The following KCND2 variants were observed in gnomAD, a reference collection of about 807,000 sequenced individuals.
The protein encoded by KCND2 is A-type voltage-gated potassium channel KCND2.
A neutral mutation model predicts 54.4 loss-of-function variants in KCND2; 16 were observed. That is an observed-to-expected ratio of 0.29 (90% confidence interval 0.20 to 0.45). The LOEUF is 0.45. KCND2 is among the 20% of genes least tolerant of loss of function. KCND2 has a pLI of 1.00. For synonymous variants in KCND2, 317 were observed against 310.7 expected (o/e 1.02, Z -0.21); for missense variants, 486 against 824.2 (o/e 0.59, Z 5.02).
chr7:120,526,245 A>G (rs1259738227), intron 1 of KCND2, among the ~76,000 whole-genome samples: 7 of 152,172 alleles, frequency 4.6e-5, no homozygotes, highest in Admixed American at 4.6e-4. Flanking sequence ...TTGATTTTGC[A>G]TTTTAGAAAA....
chr7:120,650,637 G>C (rs1791718250), intron 1 of KCND2, among the ~76,000 whole-genome samples: 1 of 144,034 alleles, frequency 6.9e-6, no homozygotes, highest in Admixed American at 6.7e-5. Flanking sequence ...TCTCTGTCCA[G>C]CTTTGTTCCA....
chr7:120,286,769 T>G (rs564443612), intron 1 of KCND2, among the ~76,000 whole-genome samples: 1 of 152,218 alleles, frequency 6.6e-6, no homozygotes, highest in Non-Finnish European at 1.5e-5. Flanking sequence ...TATGACTCTA[T>G]CAGACTTGTT....
At chr7:120,374,725 C>T (rs1800813314) in intron 1 of KCND2, among the ~76,000 whole-genome samples, 1 of 151,814 alleles carries the variant, frequency 6.6e-6, no homozygotes, top group Non-Finnish European at 1.5e-5. Context: ...AGGGCATATT[C>T]TAAATTACTA....
At chr7:120,449,811 A>C (rs1429931802) in intron 1 of KCND2, among the ~76,000 whole-genome samples, 1 of 152,230 alleles carries the variant, frequency 6.6e-6, no homozygotes, top group Non-Finnish European at 1.5e-5. Context: ...GCCCATTTCA[A>C]ATACAAATCT....
chr7:120,737,328 T>G (rs549719653), intron 2 of KCND2, among the ~76,000 whole-genome samples: 1 of 152,098 alleles, frequency 6.6e-6, no homozygotes, highest in African/African-American at 2.4e-5. Context: ...CTGAGAATGA[T>G]CTCTTAGGTT....
At chr7:120,680,222 C>T (rs147309426) in intron 1 of KCND2, among the ~76,000 whole-genome samples, 386 of 152,202 alleles carry the variant, frequency 2.5e-3, no homozygotes, top group African/African-American at 8.9e-3. Context: ...TGATCCCTGC[C>T]TCTTTGCTCT....
rs1332780387 is a variant in KCND2 at position 120,741,566 on chromosome 7, A to T, written c.1311A>T (p.Lys437Asn). The part of the protein sequence containing the change: ...KARLARIRAA[K>N]SGSANAYMQS... ...GACTGGCCAGGATCCGGGCAGCCAA[A>T]AGCGGAAGCGCAAATGCTTACATGC... The change falls in exon 3 of 6, where the codon AAA (lysine) becomes AAT (asparagine). Residue 437 changes from lysine (K) to asparagine (N), a missense_variant. This residue lies in a region of KCND2 where 202 missense variants were observed against 252.7 expected (regional missense o/e 0.80). Coordinates refer to ENST00000331113, the MANE Select transcript of KCND2 (RefSeq NM_012281.3). The T allele has an allele frequency of 6.2e-7, 1 of 1,613,282 alleles. No individual in the cohort carries two copies.
At chr7:120,547,745 T>C (rs959154317) in intron 1 of KCND2, among the ~76,000 whole-genome samples, 2 of 152,118 alleles carry the variant, frequency 1.3e-5, no homozygotes, top group Admixed American at 6.6e-5. Context: ...TAACAGGTGC[T>C]TCCTACATGT....
At chr7:120,740,381 A>G (rs1024393501) in intron 2 of KCND2, among the ~76,000 whole-genome samples, 4 of 152,070 alleles carry the variant, frequency 2.6e-5, no homozygotes, top group Admixed American at 2.0e-4. Flanking sequence ...GAGACTAAAG[A>G]TAGTATTTTT....
intron 2 of KCND2, among the ~76,000 whole-genome samples, chr7:120,738,941 A>C (rs1241044813): frequency 6.6e-6 from 1 of 152,046 alleles, no homozygotes; most frequent in Non-Finnish European, 1.5e-5. Context: ...ATGGAATTGT[A>C]GTCGGGTCAA....
intron 1 of KCND2, among the ~76,000 whole-genome samples, chr7:120,634,195 C>A (rs796874536): frequency 6.6e-6 from 1 of 152,096 alleles, no homozygotes; most frequent in Admixed American, 6.6e-5. Context: ...ACTCTTTGAG[C>A]CTTAGCTGCT....
At chr7:120,714,060 G>A (rs542041096) in intron 1 of KCND2, among the ~76,000 whole-genome samples, 5 of 152,198 alleles carry the variant, frequency 3.3e-5, no homozygotes, top group African/African-American at 1.2e-4. Context: ...GCCCAGTTGA[G>A]CACATCAATT....
At chr7:120,449,941 A>T (rs1428291343) in intron 1 of KCND2, among the ~76,000 whole-genome samples, 1 of 152,266 alleles carries the variant, frequency 6.6e-6, no homozygotes, top group African/African-American at 2.4e-5. Flanking sequence ...GAACAAATTG[A>T]TAAGAATGCC....
intron 1 of KCND2, among the ~76,000 whole-genome samples, chr7:120,615,422 A>AT (rs1793011792): frequency 6.6e-6 from 1 of 152,220 alleles, no homozygotes; most frequent in Non-Finnish European, 1.5e-5. Context: ...AGATTTCACT[A>AT]TATAGCCCAG....
At chr7:120,385,289 G>T (rs1362886717) in intron 1 of KCND2, among the ~76,000 whole-genome samples, 1 of 151,638 alleles carries the variant, frequency 6.6e-6, no homozygotes, top group Admixed American at 6.6e-5. Flanking sequence ...CACCATGCCC[G>T]GCCCATTTGT....
At chr7:120,360,653 G>A (rs1237589401) in intron 1 of KCND2, among the ~76,000 whole-genome samples, 1 of 151,970 alleles carries the variant, frequency 6.6e-6, no homozygotes, top group East Asian at 1.9e-4. Context: ...ACAGAGCAAA[G>A]TTGTATTTTG....
At chr7:120,306,370 G>T (rs1024611831) in intron 1 of KCND2, among the ~76,000 whole-genome samples, 2 of 151,696 alleles carry the variant, frequency 1.3e-5, no homozygotes, top group African/African-American at 4.8e-5. Flanking sequence ...TTTAGACTTT[G>T]TTTTGAGCTC....
rs946157549 is a variant in KCND2, at chr7:120,683,489, A to G, written c.1116-49414A>G. On this transcript the variant is annotated intron_variant, in intron 1 of 5. Transcript: ENST00000331113. ...CTGGTAGCATTTCTATAGTCTGTGC[A>G]AGAAATAGACACTCAAAACCAATGT... is the stretch of plus-strand genomic sequence containing the variant. Among the ~76,000 whole-genome samples the G allele has an allele frequency of 2.0e-5, 3 of 152,326 alleles. No individual in the cohort carries two copies. The East Asian group carries it at 5.8e-4, about 29-fold the overall frequency.
chr7:120,360,361 T>C (rs1800575993), intron 1 of KCND2, among the ~76,000 whole-genome samples: 1 of 152,038 alleles, frequency 6.6e-6, no homozygotes, highest in South Asian at 2.1e-4. Flanking sequence ...CTAATATTGA[T>C]TTGGTTTATC....
Sources: allele counts gnomAD v4.1 joint callset (sites outside exome capture counted in the v4.1 genomes callset), GRCh38; gene constraint gnomAD v4.1.1; regional missense constraint gnomAD v4.1.1; transcripts MANE v1.5; gene names NCBI Gene and HGNC (gene_info 2026-07-23, HGNC 2026-07-21).